RALGAPB: variants seen among roughly 807,000 people sequenced by gnomAD.
The protein encoded by RALGAPB is ral GTPase-activating protein subunit beta.
RALGAPB carries 25 observed loss-of-function variants against 161.1 expected under a neutral mutation model. The observed-to-expected ratio is 0.16, with a 90% CI of 0.11 to 0.22. The LOEUF (loss-of-function observed/expected upper bound fraction) is 0.22, where lower values mean the gene tolerates loss of function less well. Ranked by LOEUF, RALGAPB falls within the 10% of genes least tolerant of loss-of-function variation. The pLI, the probability that RALGAPB is intolerant of heterozygous loss-of-function variation, is 1.00. For missense variants in RALGAPB, 1,391 were observed against 1,815.2 expected, an observed-to-expected ratio of 0.77 and a Z score of 4.25; for synonymous variants, 629 against 626.1, an observed-to-expected ratio of 1.00 and a Z score of -0.07.
At chr20:38,542,631 ACTTT>A (rs2087007733) in intron 18 of RALGAPB, among the ~76,000 whole-genome samples, 1 of 152,144 alleles carries the variant, frequency 6.6e-6, no homozygotes, top group Admixed American at 6.5e-5. Context: ...CAGTGGCTGC[ACTTT>A]GGGAGGCCGA....
chr20:38,528,011 T>C (rs2086523365), intron 13 of RALGAPB, among the ~76,000 whole-genome samples: 1 of 152,208 alleles, frequency 6.6e-6, no homozygotes, highest in Admixed American at 6.5e-5. Flanking sequence ...AAATGAAGCT[T>C]ACTTCAGGGT....
chr20:38,489,570 A>C (rs1230129978), intron 2 of RALGAPB, among the ~76,000 whole-genome samples: 1 of 152,208 alleles, frequency 6.6e-6, no homozygotes, highest in Admixed American at 6.5e-5. Flanking sequence ...TCTGGCTAAG[A>C]TGCAGGATTA....
chr20:38,502,224 A>G (rs1210710712), intron 5 of RALGAPB, among the ~76,000 whole-genome samples: 1 of 152,182 alleles, frequency 6.6e-6, no homozygotes, highest in African/African-American at 2.4e-5. Flanking sequence ...ATGTGACACT[A>G]ATCATCTCTG....
At chr20:38,567,260 A>G (rs774325643) in intron 26 of RALGAPB, 28 bp downstream of exon 26, 23 of 1,602,028 alleles carry the variant, frequency 1.4e-5, no homozygotes, top group African/African-American at 4.0e-5. Flanking sequence ...TAGGTCTCCA[A>G]AATTTTGTAG....
intron 13 of RALGAPB, 75 bp downstream of exon 13, chr20:38,526,117 C>A (rs191478833): frequency 2.4e-5 from 36 of 1,499,938 alleles, no homozygotes; most frequent in Admixed American, 3.8e-5. Context: ...AGGCGGCAGT[C>A]GGTAATGGGA....
chr20:38,561,216 C>T (rs763214062), intron 23 of RALGAPB, among the ~76,000 whole-genome samples: 30 of 152,254 alleles, frequency 2.0e-4, no homozygotes, highest in African/African-American at 5.3e-4. Flanking sequence ...TCCAGCTGCT[C>T]GGGTGGCTGA....
At chr20:38,501,141 A>G (rs779021381) in intron 5 of RALGAPB, among the ~76,000 whole-genome samples, 19 of 152,240 alleles carry the variant, frequency 1.2e-4, no homozygotes, top group Non-Finnish European at 1.8e-4. Context: ...TTCAGTGTGC[A>G]TTAAACAGTC....
chr20:38,495,457 A>G (rs760108434), intron 3 of RALGAPB, among the ~76,000 whole-genome samples: 24 of 152,206 alleles, frequency 1.6e-4, no homozygotes, highest in Admixed American at 6.5e-4. Context: ...TGCAGGTCAT[A>G]TAGTGTTATA....
chr20:38,492,802 A>G (rs1043823738), intron 2 of RALGAPB, 128 bp from the exon 3 acceptor site: 1 of 691,708 alleles, frequency 1.4e-6, no homozygotes, highest in African/African-American at 1.8e-5. Context: ...AATAAATCTG[A>G]TATTTACGTT....
chr20:38,542,260 GA>G (rs887582721), intron 18 of RALGAPB, among the ~76,000 whole-genome samples: 2 of 152,196 alleles, frequency 1.3e-5, no homozygotes, highest in Non-Finnish European at 2.9e-5. Flanking sequence ...AAAACCGCTT[GA>G]AAATTCGTGT....
chr20:38,519,430 A>G (rs774267891), intron 9 of RALGAPB, among the ~76,000 whole-genome samples: 2 of 151,866 alleles, frequency 1.3e-5, no homozygotes, highest in Non-Finnish European at 2.9e-5. Context: ...TTACAATGTA[A>G]CTTTTGGGTA....
At chr20:38,523,705 A>G (rs1166970118) in intron 10 of RALGAPB, among the ~76,000 whole-genome samples, 1 of 152,214 alleles carries the variant, frequency 6.6e-6, no homozygotes, top group East Asian at 1.9e-4. Context: ...GATTATATTT[A>G]GTGACTTAAG....
chr20:38,494,713 G>A (rs559423173), intron 3 of RALGAPB, among the ~76,000 whole-genome samples: 1 of 152,306 alleles, frequency 6.6e-6, no homozygotes, highest in East Asian at 1.9e-4. Flanking sequence ...TTCTAAAATG[G>A]TGTAATAGTT....
At chr20:38,508,395 G>A (rs2123019968) in intron 5 of RALGAPB, among the ~76,000 whole-genome samples, 1 of 152,016 alleles carries the variant, frequency 6.6e-6, no homozygotes, top group South Asian at 2.1e-4. Context: ...AAAGAGAAGA[G>A]ATGCAAGGAA....
At chr20:38,555,156 T>C (rs910147266) in intron 22 of RALGAPB, among the ~76,000 whole-genome samples, 2 of 152,208 alleles carry the variant, frequency 1.3e-5, no homozygotes, top group African/African-American at 4.8e-5. Flanking sequence ...GGCTTAAATA[T>C]GTGAAATAAC....
At chr20:38,549,136 G>T (rs1434961650) in intron 20 of RALGAPB, among the ~76,000 whole-genome samples, 1 of 152,066 alleles carries the variant, frequency 6.6e-6, no homozygotes, top group Non-Finnish European at 1.5e-5. Context: ...AAAAAATTTG[G>T]TGGGACTTTT....
chr20:38,505,868 T>C (rs2085746678), intron 5 of RALGAPB, among the ~76,000 whole-genome samples: 1 of 152,182 alleles, frequency 6.6e-6, no homozygotes, highest in Non-Finnish European at 1.5e-5. Context: ...TTAAAAAATA[T>C]AATACCCTTA....
At chr20:38,528,102 CT>C (rs1269126734) in intron 13 of RALGAPB, among the ~76,000 whole-genome samples, 2 of 152,134 alleles carry the variant, frequency 1.3e-5, no homozygotes, top group African/African-American at 4.8e-5. Context: ...ATTGCTGTGA[CT>C]TTATTTTGTA....
chr20:38,575,019 C>A lies in RALGAPB; in HGVS notation c.*52C>A. ...CTCCAGTTTGGGAACTATAACACAGCAGAACAGTTTGATAGGTGATCACTG... is the reference window on the plus strand; with the variant it reads ...CTCCAGTTTGGGAACTATAACACAGAAGAACAGTTTGATAGGTGATCACTG... On this transcript the variant is annotated 3_prime_UTR_variant, in exon 30 of 30. Coordinates refer to ENST00000262879, the MANE Select transcript of RALGAPB (RefSeq NM_020336.4). 1.4e-6 allele frequency: 2 copies of A among 1,425,136 alleles called. No homozygotes were observed. The highest frequency in any genetic ancestry group is 2.0e-6 in the Non-Finnish European group (2 of 1,009,296). The allele number at this position is 1,425,136 out of a possible 1,614,324, so 88.3% of individuals were successfully genotyped here.
Sources: gnomAD v4.1 joint callset for allele counts (sites outside exome capture counted in the v4.1 genomes callset) on GRCh38, gnomAD v4.1.1 for gene constraint, MANE v1.5 for transcripts, NCBI Gene and HGNC (gene_info 2026-07-23, HGNC 2026-07-21) for gene names.